Variants in MAST4 observed in about 807,000 individuals in gnomAD.
MAST4 encodes microtubule associated serine/threonine kinase family member 4, also known as microtubule-associated serine/threonine-protein kinase 4.
A neutral mutation model predicts 162.7 loss-of-function variants in MAST4; 89 were observed. That is an observed-to-expected ratio of 0.55 (90% CI 0.46 to 0.65). MAST4 has a LOEUF of 0.65. Among genes scored for constraint, MAST4 ranks in the 30% least tolerant of loss-of-function variants. The probability of loss-of-function intolerance (pLI) is 0.00; values close to 1 mark genes in which losing one functional copy is unlikely to be tolerated. For synonymous variants in MAST4, 1,479 were observed against 1,361.1 expected, an observed-to-expected ratio of 1.09 and a Z score of -1.91; for missense variants, 3,153 against 3,374.0, an observed-to-expected ratio of 0.93 and a Z score of 1.62.
chr5:67,134,572 G>A lies in MAST4; in HGVS notation c.2276G>A (p.Gly759Asp). Residue 759 changes from glycine (G) to aspartate (D), a missense_variant, in exon 18 of 29, where the codon GGT (glycine) becomes GAT (aspartate). By Grantham distance (94) the Gly-to-Asp change is moderately conservative. Around this residue, in one of 7 missense-constraint regions of MAST4, gnomAD observed 131 missense variants for 253.8 expected, o/e 0.52. Transcript: ENST00000403625. ...YIAPEVILRQGYGKPVDWWAM... is the reference protein window; with the variant it reads ...YIAPEVILRQDYGKPVDWWAM... ...GCACCAGAAGTGATTCTGAGGCAGG[G>A]TTATGGAAAGCCGGTGGACTGGTGG... 6.2e-7 allele frequency: 1 copy of A among 1,613,664 alleles called. No homozygotes were observed. The highest frequency in any genetic ancestry group is 8.5e-7 in the Non-Finnish European group (1 of 1,179,688).
chr5:66,902,718 G>A (rs1763090337), intron 4 of MAST4: 1 of 470,306 alleles, frequency 2.1e-6, no homozygotes, highest in Non-Finnish European at 4.4e-6. Context: ...TAGGCAAGAT[G>A]CTGTTATGAG....
chr5:66,905,633 G>A (rs1763308309), intron 4 of MAST4, among the ~76,000 whole-genome samples: 1 of 152,164 alleles, frequency 6.6e-6, no homozygotes, highest in Non-Finnish European at 1.5e-5. Flanking sequence ...CTCAGAACAT[G>A]TGCCCAAGGT....
chr5:67,009,655 T>A (rs1752441992), intron 4 of MAST4, among the ~76,000 whole-genome samples: 1 of 152,214 alleles, frequency 6.6e-6, no homozygotes, highest in African/African-American at 2.4e-5. Flanking sequence ...GCTGTTAATA[T>A]TACTGCTGTC....
chr5:66,651,303 T>G (rs1382673510), intron 1 of MAST4, among the ~76,000 whole-genome samples: 2 of 152,148 alleles, frequency 1.3e-5, no homozygotes, highest in Non-Finnish European at 2.9e-5. Flanking sequence ...TCAGGAATTA[T>G]AGATGCAGAT....
rs116604570 is a variant in MAST4 at position 66,714,237 on chromosome 5, G to A, written c.364-45472G>A. On this transcript the variant is annotated intron_variant, in intron 1 of 28. Coordinates refer to ENST00000403625, the MANE Select transcript of MAST4 (RefSeq NM_001164664.2). The stretch of plus-strand genomic sequence containing the variant: ...CAAGGGGGAGACATGAGTCACCTGA[G>A]GGTGTGAAAATCAGGCCCTTTGTTA... 3.1e-3 allele frequency among the ~76,000 whole-genome samples: 466 copies of A among 152,264 alleles called. 2 individuals carry two copies. The highest frequency in any genetic ancestry group is 0.011 in the African/African-American group (456 of 41,560).
chr5:66,794,820 A>G (rs1369879877), intron 3 of MAST4, among the ~76,000 whole-genome samples: 1 of 152,172 alleles, frequency 6.6e-6, no homozygotes, highest in East Asian at 1.9e-4. Context: ...CAATGGAGAA[A>G]TTACATTTCA....
At chr5:67,001,210 T>C (rs16896156) in intron 4 of MAST4, among the ~76,000 whole-genome samples, 2,652 of 152,292 alleles carry the variant, frequency 0.017, 87 homozygotes, top group African/African-American at 0.061. Context: ...GTTTTGACAA[T>C]TTTAATTCTT....
Position 66,681,949 on chromosome 5 carries a change from C to A in MAST4, c.364-77760C>A, listed in dbSNP as rs191627069. Among the ~76,000 whole-genome samples, 5 of 152,262 alleles carry A rather than the reference C, an allele frequency of 3.3e-5. No homozygotes were observed. The East Asian group carries it at 9.6e-4, about 29-fold the overall frequency. ...GGGGGGTGGGTGACCATGCCTGGAG[C>A]ATCAGTTAAGGTGACTGGTTACTCC... On this transcript the variant is annotated intron_variant, in intron 1 of 28. Transcript: ENST00000403625.
intron 1 of MAST4, among the ~76,000 whole-genome samples, chr5:66,717,133 G>T (rs1332294829): frequency 2.0e-5 from 3 of 152,132 alleles, no homozygotes; most frequent in African/African-American, 7.2e-5. Flanking sequence ...GCTAAGCAGA[G>T]CCCTGGAGGA....
intron 4 of MAST4, chr5:66,959,386 C>T (rs1745725066): frequency 6.6e-6 from 5 of 760,292 alleles, no homozygotes; most frequent in Admixed American, 1.8e-5. Context: ...TTTGTACTGA[C>T]AGCCTCAGAG....
intron 4 of MAST4, among the ~76,000 whole-genome samples, chr5:66,919,056 T>C (rs1764299650): frequency 6.8e-6 from 1 of 148,092 alleles, no homozygotes; most frequent in Non-Finnish European, 1.5e-5. Flanking sequence ...TGAGCCAAGA[T>C]CACACCACTG....
chr5:66,821,893 TG>T (rs1321404165), intron 3 of MAST4, among the ~76,000 whole-genome samples: 1 of 151,784 alleles, frequency 6.6e-6, no homozygotes, highest in Non-Finnish European at 1.5e-5. Context: ...TGGAGGAAGA[TG>T]GGGAGGGTTG....
chr5:66,723,977 A>G (rs1204379044), intron 1 of MAST4, among the ~76,000 whole-genome samples: 1 of 152,120 alleles, frequency 6.6e-6, no homozygotes, highest in East Asian at 1.9e-4. Flanking sequence ...TTTGCCAAAT[A>G]CATGGCCAGG....
chr5:66,719,584 T>C (rs534634361), intron 1 of MAST4, among the ~76,000 whole-genome samples: 4 of 152,340 alleles, frequency 2.6e-5, no homozygotes, highest in African/African-American at 9.6e-5. Flanking sequence ...CTGGGATACA[T>C]GTGCTGAACG....
chr5:67,076,059 C>G (rs376786778), intron 5 of MAST4, among the ~76,000 whole-genome samples: 2 of 151,942 alleles, frequency 1.3e-5, no homozygotes, highest in African/African-American at 4.8e-5. Flanking sequence ...CCTTGATTGC[C>G]CAGTGGCCTA....
At chr5:66,808,223 G>T (rs1226851857) in intron 3 of MAST4, among the ~76,000 whole-genome samples, 1 of 152,156 alleles carries the variant, frequency 6.6e-6, no homozygotes, top group African/African-American at 2.4e-5. Flanking sequence ...GAGGTTGTTA[G>T]GTAGTTTTTT....
chr5:66,627,900 G>A (rs1744542550), intron 1 of MAST4, among the ~76,000 whole-genome samples: 1 of 152,038 alleles, frequency 6.6e-6, no homozygotes. Flanking sequence ...GTACCTTTCA[G>A]CTCCTCTGGA....
At chr5:66,839,498 G>T (rs1268925806) in intron 3 of MAST4, among the ~76,000 whole-genome samples, 1 of 152,114 alleles carries the variant, frequency 6.6e-6, no homozygotes, top group Non-Finnish European at 1.5e-5. Flanking sequence ...TTATTTTGCA[G>T]GAATGGTTAA....
rs1754951918 is a variant in MAST4 at position 66,783,080 on chromosome 5, C to T, written c.518-5590C>T. ...TATCCCATGTGTTGTATTAACAGAC[C>T]CTCCAATTTATAACATTCATATGAT... On this transcript the variant is annotated intron_variant, in intron 2 of 28. Transcript: ENST00000403625. Among the ~76,000 whole-genome samples the T allele has an allele frequency of 2.0e-5, 3 of 152,046 alleles. No individual in the cohort carries two copies. The South Asian group carries it at 6.2e-4, about 32-fold the overall frequency.
Sources: gnomAD v4.1 joint callset for allele counts (sites outside exome capture counted in the v4.1 genomes callset) on GRCh38, gnomAD v4.1.1 for gene constraint, gnomAD v4.1.1 regional missense constraint, MANE v1.5 for transcripts, NCBI Gene and HGNC (gene_info 2026-07-23, HGNC 2026-07-21) for gene names.